CYTH4: variants seen among roughly 807,000 people sequenced by gnomAD.
CYTH4 encodes cytohesin 4, also known as cytohesin-4.
CYTH4 carries 22 observed loss-of-function variants against 57.5 expected under a neutral mutation model. The ratio of observed to expected loss-of-function variants is 0.38; its 90% CI spans 0.27 to 0.55. The LOEUF is 0.55. CYTH4 is among the 20% of genes least tolerant of loss of function. The pLI is 0.74. For synonymous variants in CYTH4, 186 were observed against 206.5 expected, an observed-to-expected ratio of 0.90 and a Z score of 0.85; for missense variants, 420 against 535.6, an observed-to-expected ratio of 0.78 and a Z score of 2.13.
intron 6 of CYTH4, 149 bp downstream of exon 6, chr22:37,299,455 C>T: frequency 1.3e-6 from 1 of 764,272 alleles, no homozygotes; most frequent in Non-Finnish European, 2.3e-6. Flanking sequence ...CATGATAGTA[C>T]TGCCTCACAG....
rs188727088 is a variant in CYTH4, at chr22:37,312,649, G to C, written c.1112+475G>C. On this transcript the variant is annotated intron_variant, in intron 12 of 12. Transcript: ENST00000248901. ...AAGCAGTGTGGGAGCTGAAACTGCTGAGCATGACAAAGCCACAGCCACCGT... is the reference window on the plus strand; with the variant it reads ...AAGCAGTGTGGGAGCTGAAACTGCTCAGCATGACAAAGCCACAGCCACCGT... Among the ~76,000 whole-genome samples, 19 of 152,370 alleles carry C rather than the reference G, an allele frequency of 1.2e-4. 1 individual carries two copies. In the East Asian group the frequency reaches 3.3e-3, roughly 26 times the overall value.
At position 37,299,241 on chromosome 22, in the gene CYTH4, G is replaced by T; in HGVS notation, c.369G>T (p.Leu123=). 6.2e-7 allele frequency: 1 copy of T among 1,613,646 alleles called. No homozygotes were observed. Among genetic ancestry groups the T allele is most frequent in the Middle Eastern group, 1.7e-4 (1 of 6,060 alleles). Residue 123 remains leucine (L), a synonymous_variant, in exon 6 of 13, where the codon CTG becomes CTT. Coordinates refer to ENST00000248901, the MANE Select transcript of CYTH4 (RefSeq NM_013385.5). ...TYLGERDPIN[L]QVLQAFVDCH... is the part of the protein sequence containing the mutation. Reference sequence around the variant, plus strand: ...CCTCCCCCAGGGATCCCATCAACCTGCAGGTCCTCCAGGCCTTCGTGGACT... The same window carrying T: ...CCTCCCCCAGGGATCCCATCAACCTTCAGGTCCTCCAGGCCTTCGTGGACT...
At chr22:37,308,470 GTGTA>G (rs1039771089) in intron 8 of CYTH4, among the ~76,000 whole-genome samples, 9 of 152,310 alleles carry the variant, frequency 5.9e-5, no homozygotes, top group African/African-American at 1.4e-4. Context: ...ATAAGTGTGT[GTGTA>G]TGTGTGTACG....
intron 8 of CYTH4, among the ~76,000 whole-genome samples, chr22:37,307,244 C>A (rs143178144): frequency 6.6e-6 from 1 of 152,190 alleles, no homozygotes; most frequent in Non-Finnish European, 1.5e-5. Flanking sequence ...GTTTTCTTTG[C>A]GGGGGCAGAA....
At chr22:37,292,572 G>T (rs772302716) in intron 1 of CYTH4, 49 bp from the exon 2 acceptor site, 2 of 1,592,922 alleles carry the variant, frequency 1.3e-6, no homozygotes, top group East Asian at 2.2e-5. Context: ...GAGGGCAAGT[G>T]GGTGTGGCTG....
At chr22:37,312,487 C>T (rs1929683982) in intron 12 of CYTH4, among the ~76,000 whole-genome samples, 1 of 152,228 alleles carries the variant, frequency 6.6e-6, no homozygotes, top group Non-Finnish European at 1.5e-5. Flanking sequence ...CATCACTATC[C>T]AAAGTGGCCT....
chr22:37,292,801 G>A lies in CYTH4; in HGVS notation c.102+98G>A, dbSNP rs1023779571. ...CCTGACCCAGCCTGGTCAACAGACA[G>A]TGTGGCCAACTCTGGCTCATATCAG... On this transcript the variant is annotated intron_variant, in intron 2 of 12. Transcript: ENST00000248901. 47 of 1,277,630 alleles carry A rather than the reference G, an allele frequency of 3.7e-5. No homozygotes were observed. The Admixed American group carries it at 8.4e-4, about 23-fold the overall frequency. The allele number at this position is 1,277,630 out of a possible 1,614,324, so 79.1% of individuals were successfully genotyped here.
Position 37,292,715 on chromosome 22 carries a change from C to CTCGTGTCCACACACGTGT in CYTH4, c.102+13_102+30dup. On this transcript the variant is annotated intron_variant, in intron 2 of 12. Transcript: ENST00000248901. ...TGGAGGACATCCAGGTGAGTGCACA[C>CTCGTGTCCACACACGTGT]TCGTGTCCACACACGTGTCCATGCC... 1 of 1,612,712 alleles carries CTCGTGTCCACACACGTGT rather than the reference C, an allele frequency of 6.2e-7. No individual in the cohort carries two copies. The highest frequency in any genetic ancestry group is 8.5e-7 in the Non-Finnish European group (1 of 1,179,584).
chr22:37,304,524 C>T (rs761144439), intron 8 of CYTH4, among the ~76,000 whole-genome samples: 1 of 152,148 alleles, frequency 6.6e-6, no homozygotes, highest in Admixed American at 6.5e-5. Flanking sequence ...TGGTCAGAGC[C>T]CAGCAGGGAG....
intron 6 of CYTH4, among the ~76,000 whole-genome samples, chr22:37,299,884 G>A (rs373716586): frequency 8.5e-5 from 13 of 152,132 alleles, no homozygotes; most frequent in African/African-American, 2.4e-4. Context: ...CCAGCTACTC[G>A]GGAGGCTGAG....
Position 37,298,851 on chromosome 22 carries a change from A to C in CYTH4, c.354-375A>C, listed in dbSNP as rs1929074259. Among the ~76,000 whole-genome samples the C allele has an allele frequency of 6.6e-6, 1 of 152,132 alleles. No individual in the cohort carries two copies. The highest frequency in any genetic ancestry group is 6.5e-5 in the Admixed American group (1 of 15,288). ...GGAGAGGGAGGAGATGGGGGAGGTCAGCTTCTCTCCCTTGTACAGATGAGG... is the reference window on the plus strand; with the variant it reads ...GGAGAGGGAGGAGATGGGGGAGGTCCGCTTCTCTCCCTTGTACAGATGAGG... On this transcript the variant is annotated intron_variant, in intron 5 of 12. Transcript: ENST00000248901. The surrounding 1 kb of genome is among the most constrained non-coding windows in gnomAD (Gnocchi z 4.1).
At position 37,303,352 on chromosome 22, in the gene CYTH4, A is replaced by G. The variant is rs1415780776; in HGVS notation, c.646A>G (p.Met216Val). ...DRPPFERFVS[M>V]NRGINNGSDL... ...GCCGCCTTTTGAGCGCTTTGTGTCC[A>G]TGAACCGCGGCATCAACAATGGTAG... Residue 216 changes from methionine to valine, a missense_variant, in exon 8 of 13, where the codon ATG becomes GTG. Transcript: ENST00000248901. 6 of 1,614,062 alleles carry G rather than the reference A, an allele frequency of 3.7e-6. No individual in the cohort carries two copies. Among genetic ancestry groups the G allele is most frequent in the African/African-American group, 2.7e-5 (2 of 74,944 alleles).
rs531522359 is a variant in CYTH4 at position 37,294,154 on chromosome 22, G to A, written c.103-506G>A. 8.3e-5 allele frequency among the ~76,000 whole-genome samples: 12 copies of A among 145,014 alleles called. No individual in the cohort carries two copies. The South Asian group carries it at 2.7e-3, about 33-fold the overall frequency. Reference sequence around the variant, plus strand: ...AGACACCAGCCGGGAGAGGCAGGCAGGGTGGAGGCGGGCAGGGTGGAGGTG... The same window carrying A: ...AGACACCAGCCGGGAGAGGCAGGCAAGGTGGAGGCGGGCAGGGTGGAGGTG... On this transcript the variant is annotated intron_variant, in intron 2 of 12. Coordinates refer to ENST00000248901, the MANE Select transcript of CYTH4 (RefSeq NM_013385.5).
intron 9 of CYTH4, 111 bp downstream of exon 9, chr22:37,309,434 C>T: frequency 3.2e-6 from 3 of 946,994 alleles, no homozygotes; most frequent in Non-Finnish European, 3.3e-6. Flanking sequence ...ACGAGGCTCA[C>T]ATGCATCCTG....
intron 1 of CYTH4, among the ~76,000 whole-genome samples, chr22:37,287,594 C>T (rs1237108820): frequency 6.6e-6 from 1 of 152,206 alleles, no homozygotes; most frequent in African/African-American, 2.4e-5. Flanking sequence ...AGCCAGCTTC[C>T]AGCACTGCCT....
chr22:37,294,032 TA>T (rs1928850582), intron 2 of CYTH4, among the ~76,000 whole-genome samples: 1 of 150,498 alleles, frequency 6.6e-6, no homozygotes, highest in African/African-American at 2.5e-5. Context: ...AGCAACATAG[TA>T]AATGGAGGAA....
intron 1 of CYTH4, among the ~76,000 whole-genome samples, chr22:37,291,776 T>G (rs1009319125): frequency 9.9e-5 from 15 of 152,182 alleles, no homozygotes; most frequent in Non-Finnish European, 1.8e-4. Flanking sequence ...CCATGAAGCA[T>G]GAAGATAGGA....
In CYTH4 at chr22:37,294,645, C is replaced by A; in HGVS notation, c.103-15C>A. The stretch of plus-strand genomic sequence containing the variant: ...CACCCCTGACTCTCCCTGTCCTGCC[C>A]CTGCCACCCCACAGAAGCTGAAGGA... On this transcript the variant is annotated splice_polypyrimidine_tract_variant and intron_variant, in intron 2 of 12. Transcript: ENST00000248901. 1 of 1,613,606 alleles carries A rather than the reference C, an allele frequency of 6.2e-7. No individual in the cohort carries two copies. Among genetic ancestry groups the A allele is most frequent in the South Asian group, 1.1e-5 (1 of 91,060 alleles).
intron 1 of CYTH4, among the ~76,000 whole-genome samples, chr22:37,289,921 G>A (rs374885131): frequency 3.1e-3 from 468 of 152,312 alleles, no homozygotes; most frequent in African/African-American, 0.011. Context: ...TCCTGCATCC[G>A]TTAGGTCTCA....
Sources: allele counts gnomAD v4.1 joint callset (sites outside exome capture counted in the v4.1 genomes callset), GRCh38; gene constraint gnomAD v4.1.1; non-coding constraint Gnocchi (gnomAD v3.1); transcripts MANE v1.5; gene names NCBI Gene and HGNC (gene_info 2026-07-23, HGNC 2026-07-21).